Variants in DCC observed in about 807,000 individuals in gnomAD.
The protein encoded by DCC is DCC netrin 1 receptor.
Under a neutral mutation model 172.5 loss-of-function variants are expected in DCC, and 58 were observed. The ratio of observed to expected loss-of-function variants is 0.34; its 90% CI spans 0.27 to 0.42. DCC has a LOEUF of 0.42. Ranked by LOEUF, DCC falls within the 10% of genes least tolerant of loss-of-function variation. The probability of loss-of-function intolerance (pLI) is 1.00; values close to 1 mark genes in which losing one functional copy is unlikely to be tolerated. For missense variants in DCC, 1,740 were observed against 1,791.0 expected, an observed-to-expected ratio of 0.97 and a Z score of 0.51; for synonymous variants, 709 against 644.5, an observed-to-expected ratio of 1.10 and a Z score of -1.52.
chr18:53,101,295 A>G (rs1017516254), intron 7 of DCC, among the ~76,000 whole-genome samples: 9 of 152,124 alleles, frequency 5.9e-5, no homozygotes, highest in African/African-American at 9.6e-5. Context: ...CTTGTTCACA[A>G]TGTTAAAGTT....
At chr18:53,340,890 G>T (rs1434455939) in intron 15 of DCC, among the ~76,000 whole-genome samples, 1 of 152,128 alleles carries the variant, frequency 6.6e-6, no homozygotes, top group Non-Finnish European at 1.5e-5. Flanking sequence ...CAGAACATTT[G>T]TGATGAGAAG....
intron 12 of DCC, among the ~76,000 whole-genome samples, chr18:53,291,107 G>T (rs565504512): frequency 7.9e-5 from 12 of 152,132 alleles, no homozygotes; most frequent in Non-Finnish European, 1.0e-4. Flanking sequence ...GGCGGACGTT[G>T]CAGTGAGCTG....
intron 1 of DCC, among the ~76,000 whole-genome samples, chr18:52,643,256 C>A (rs773373506): frequency 6.6e-6 from 1 of 151,970 alleles, no homozygotes; most frequent in Non-Finnish European, 1.5e-5. Flanking sequence ...TTTCTACCTG[C>A]CACATTTTCA....
chr18:52,361,206 C>G (rs574388453), intron 1 of DCC, among the ~76,000 whole-genome samples: 2 of 152,236 alleles, frequency 1.3e-5, no homozygotes, highest in South Asian at 2.1e-4. Context: ...TCAAATATTA[C>G]ATAAATGTGT....
At chr18:52,442,113 A>G (rs1316008956) in intron 1 of DCC, among the ~76,000 whole-genome samples, 1 of 152,120 alleles carries the variant, frequency 6.6e-6, no homozygotes. Flanking sequence ...ATGGAATGTG[A>G]TTTTTTTATG....
chr18:52,477,179 T>C (rs1296982999), intron 1 of DCC, among the ~76,000 whole-genome samples: 8 of 152,172 alleles, frequency 5.3e-5, no homozygotes, highest in Admixed American at 5.2e-4. Flanking sequence ...TTGATTTATG[T>C]ATCATCAATC....
At chr18:52,703,062 T>C (rs574502742) in intron 1 of DCC, among the ~76,000 whole-genome samples, 1 of 152,326 alleles carries the variant, frequency 6.6e-6, no homozygotes, top group Non-Finnish European at 1.5e-5. Flanking sequence ...CTTCCTTTGC[T>C]TCAGGATCAT....
intron 2 of DCC, among the ~76,000 whole-genome samples, chr18:52,758,420 C>G (rs1486901391): frequency 6.6e-6 from 1 of 152,028 alleles, no homozygotes; most frequent in Non-Finnish European, 1.5e-5. Flanking sequence ...TTCCCTATTA[C>G]AATAGATGTT....
intron 1 of DCC, among the ~76,000 whole-genome samples, chr18:52,494,952 A>G (rs947123349): frequency 6.6e-6 from 1 of 152,016 alleles, no homozygotes; most frequent in Admixed American, 6.6e-5. Context: ...TCTTTTCTCT[A>G]CTAGGAAGAT....
At chr18:53,295,442 A>G (rs1271685646) in intron 12 of DCC, among the ~76,000 whole-genome samples, 9 of 152,170 alleles carry the variant, frequency 5.9e-5, no homozygotes, top group Admixed American at 5.9e-4. Context: ...AAAATTGTTT[A>G]CAAATACACA....
chr18:52,428,501 T>C (rs1294354515), intron 1 of DCC, among the ~76,000 whole-genome samples: 2 of 152,188 alleles, frequency 1.3e-5, no homozygotes, highest in Non-Finnish European at 2.9e-5. Context: ...AGAAGATTTG[T>C]GTTTTAATAT....
intron 13 of DCC, among the ~76,000 whole-genome samples, chr18:53,309,301 A>G (rs2057237531): frequency 6.6e-6 from 1 of 152,116 alleles, no homozygotes; most frequent in East Asian, 1.9e-4. Context: ...AGCCTCCCAA[A>G]GTGCTAGGAT....
chr18:52,481,571 G>GC (rs1555687616), intron 1 of DCC, among the ~76,000 whole-genome samples: 1 of 149,616 alleles, frequency 6.7e-6, no homozygotes, highest in Non-Finnish European at 1.5e-5. Context: ...ATTTCCAGCA[G>GC]TTTTTTTTTT....
At chr18:52,780,737 C>G (rs2037523900) in intron 2 of DCC, among the ~76,000 whole-genome samples, 1 of 152,096 alleles carries the variant, frequency 6.6e-6, no homozygotes, top group South Asian at 2.1e-4. Flanking sequence ...AAGTGTGAGG[C>G]AGACCACCTG....
chr18:52,409,631 G>C (rs756644817), intron 1 of DCC, among the ~76,000 whole-genome samples: 1 of 152,032 alleles, frequency 6.6e-6, no homozygotes, highest in Non-Finnish European at 1.5e-5. Flanking sequence ...GTGACATGTG[G>C]GAACAAAGAA....
intron 9 of DCC, among the ~76,000 whole-genome samples, chr18:53,183,289 C>T (rs1266843193): frequency 4.6e-5 from 7 of 152,032 alleles, no homozygotes; most frequent in African/African-American, 7.2e-5. Context: ...AATAATTGCT[C>T]GAAATAGAAA....
At chr18:53,042,617 G>GA (rs1017388135) in intron 5 of DCC, among the ~76,000 whole-genome samples, 45 of 149,846 alleles carry the variant, frequency 3.0e-4, no homozygotes, top group Admixed American at 2.1e-3. Flanking sequence ...AAATTTACAA[G>GA]AAAAAAAAAC....
chr18:52,926,955 C>CATATATATGGATATATATACA (rs35060059), intron 5 of DCC, among the ~76,000 whole-genome samples: 1 of 138,018 alleles, frequency 7.2e-6, no homozygotes, highest in Non-Finnish European at 1.6e-5. Flanking sequence ...GATATATACA[C>CATATATATGGATATATATACA]TATATATGGA....
intron 1 of DCC, among the ~76,000 whole-genome samples, chr18:52,414,039 A>C (rs867409935): frequency 5.3e-4 from 80 of 152,210 alleles, no homozygotes; most frequent in African/African-American, 1.4e-3. Context: ...AGTATCTTTG[A>C]TTTTAAGTCC....
Sources: gnomAD v4.1 joint callset for allele counts (sites outside exome capture counted in the v4.1 genomes callset) on GRCh38, gnomAD v4.1.1 for gene constraint, MANE v1.5 for transcripts, NCBI Gene and HGNC (gene_info 2026-07-23, HGNC 2026-07-21) for gene names.